Variants in EFCAB9 observed in about 807,000 individuals in gnomAD.
The protein encoded by EFCAB9 is EF-hand calcium-binding domain-containing protein 9.
Under a neutral mutation model 15.6 loss-of-function variants are expected in EFCAB9, and 16 were observed. The observed-to-expected ratio is 1.03, with a 90% confidence interval of 0.69 to 1.56. The LOEUF (loss-of-function observed/expected upper bound fraction) is 1.56. Ranked by LOEUF, EFCAB9 falls within the 40% of genes most tolerant of loss-of-function variation. The pLI, the probability that EFCAB9 is intolerant of heterozygous loss-of-function variation, is 0.00. For synonymous variants in EFCAB9, 76 were observed against 85.4 expected (o/e 0.89, Z 0.61); for missense variants, 208 against 235.4 (o/e 0.88, Z 0.76).
rs1347292245 is a variant in EFCAB9, at chr5:172,199,543, C to T, written c.285+12C>T. On this transcript the variant is annotated intron_variant, in intron 2 of 3. Coordinates refer to ENST00000398186, the MANE Select transcript of EFCAB9 (RefSeq NM_001171183.2). ...TGCTGGCCCACCAGGCAAGTAGCCG[C>T]GCGGCTGCTGCCATCCTCTTGCTAA... 1.3e-5 allele frequency: 20 copies of T among 1,536,520 alleles called. No homozygotes were observed. The highest frequency in any genetic ancestry group is 3.4e-4 in the Middle Eastern group (2 of 5,942).
chr5:172,198,899 C>G (rs1337997941), intron 1 of EFCAB9, among the ~76,000 whole-genome samples: 1 of 152,188 alleles, frequency 6.6e-6, no homozygotes. Flanking sequence ...CAGGCATGAG[C>G]TACTGTGCCT....
At chr5:172,197,416 C>T (rs191285815) in intron 1 of EFCAB9, among the ~76,000 whole-genome samples, 1 of 152,238 alleles carries the variant, frequency 6.6e-6, no homozygotes, top group Admixed American at 6.5e-5. Flanking sequence ...GTGAGGCACA[C>T]CTTTGCTGCT....
intron 3 of EFCAB9, 33 bp from the exon 4 acceptor site, chr5:172,203,181 A>G: frequency 1.4e-6 from 2 of 1,441,946 alleles, no homozygotes; most frequent in Non-Finnish European, 1.8e-6. Flanking sequence ...TTTTCCTGAA[A>G]TAATTTTTCT....
At chr5:172,196,231 G>A (rs1204372843) in intron 1 of EFCAB9, among the ~76,000 whole-genome samples, 1 of 152,126 alleles carries the variant, frequency 6.6e-6, no homozygotes, top group African/African-American at 2.4e-5. Context: ...TTGTTTCCAG[G>A]TGCTCATATC....
At position 172,194,927 on chromosome 5, in the gene EFCAB9, G is replaced by A. The variant is rs1364332767; in HGVS notation, c.136+619G>A. 2.0e-5 allele frequency among the ~76,000 whole-genome samples: 3 copies of A among 148,054 alleles called. No homozygotes were observed. In the Admixed American group the frequency reaches 2.0e-4, roughly 10 times the overall value. ...CATAATGGAGTCCATCTCATAGTTG[G>A]AAAAAAAAAAGATAATGAGAGTATG... On this transcript the variant is annotated intron_variant, in intron 1 of 3. Coordinates refer to ENST00000398186, the MANE Select transcript of EFCAB9 (RefSeq NM_001171183.2).
chr5:172,195,577 T>C (rs1771147042), intron 1 of EFCAB9, among the ~76,000 whole-genome samples: 1 of 152,150 alleles, frequency 6.6e-6, no homozygotes, highest in South Asian at 2.1e-4. Flanking sequence ...AAGCCCATGC[T>C]GAGTCTCTCT....
chr5:172,196,147 AATT>A lies in EFCAB9; in HGVS notation c.136+1841_136+1843del, dbSNP rs1273676375. Among the ~76,000 whole-genome samples the A allele has an allele frequency of 3.3e-5, 5 of 152,040 alleles. No individual in the cohort carries two copies. In the East Asian group the frequency reaches 9.7e-4, roughly 29 times the overall value. The stretch of plus-strand genomic sequence containing the variant: ...GGCCTCAAAACAGTCTTTGTTAAGT[AATT>A]ACTAAGTTGCACATGGAAACATTTC... On this transcript the variant is annotated intron_variant, in intron 1 of 3. Transcript: ENST00000398186.
chr5:172,194,557 G>A (rs866798278), intron 1 of EFCAB9, among the ~76,000 whole-genome samples: 7 of 151,972 alleles, frequency 4.6e-5, no homozygotes, highest in Non-Finnish European at 8.8e-5. Context: ...CTGCCACCAC[G>A]CCTGGCTAAT....
chr5:172,199,250 A>G (rs1170371191), intron 1 of EFCAB9, 133 bp from the exon 2 acceptor site: 16 of 1,204,762 alleles, frequency 1.3e-5, no homozygotes, highest in Non-Finnish European at 1.7e-5. Context: ...GCAAAGCCAG[A>G]AACAAAATAT....
intron 1 of EFCAB9, 95 bp downstream of exon 1, chr5:172,194,403 C>G: frequency 3.8e-6 from 5 of 1,313,418 alleles, no homozygotes; most frequent in East Asian, 2.7e-5. Flanking sequence ...TTTGTTAGTA[C>G]ATTTTTTTTT....
intron 3 of EFCAB9, among the ~76,000 whole-genome samples, chr5:172,201,113 C>A (rs77661959): frequency 9.9e-5 from 15 of 150,902 alleles, no homozygotes; most frequent in African/African-American, 3.4e-4. Context: ...TGGTGGCTCA[C>A]GCCTATAATG....
chr5:172,196,158 T>C (rs1242486935), intron 1 of EFCAB9, among the ~76,000 whole-genome samples: 1 of 152,080 alleles, frequency 6.6e-6, no homozygotes, highest in Admixed American at 6.6e-5. Flanking sequence ...ATTACTAAGT[T>C]GCACATGGAA....
At chr5:172,194,781 G>A (rs925169800) in intron 1 of EFCAB9, among the ~76,000 whole-genome samples, 46 of 152,124 alleles carry the variant, frequency 3.0e-4, no homozygotes, top group African/African-American at 1.1e-3. Flanking sequence ...GTTCAGCCGG[G>A]AGGAGAAAAT....
At chr5:172,194,645 C>T (rs896515547) in intron 1 of EFCAB9, among the ~76,000 whole-genome samples, 4 of 152,202 alleles carry the variant, frequency 2.6e-5, no homozygotes, top group East Asian at 1.9e-4. Context: ...GTGATCCACC[C>T]GCCTCCGCCT....
chr5:172,195,391 T>C (rs1340676326), intron 1 of EFCAB9, among the ~76,000 whole-genome samples: 1 of 152,068 alleles, frequency 6.6e-6, no homozygotes, highest in East Asian at 1.9e-4. Flanking sequence ...TTTTAAGGAG[T>C]TCATTCAATT....
intron 3 of EFCAB9, among the ~76,000 whole-genome samples, chr5:172,202,332 CAAAAAAAAA>C (rs10690291): frequency 0.02 from 1,444 of 73,408 alleles, 44 homozygotes; most frequent in African/African-American, 0.096. Flanking sequence ...GACTTCATCT[CAAAAAAAAA>C]AAAAAAAAAA....
intron 1 of EFCAB9, among the ~76,000 whole-genome samples, chr5:172,198,697 A>G (rs1771200923): frequency 6.6e-6 from 1 of 151,184 alleles, no homozygotes; most frequent in African/African-American, 2.4e-5. Context: ...GCTCACTGCA[A>G]CCTCCGCCTC....
intron 1 of EFCAB9, among the ~76,000 whole-genome samples, chr5:172,197,969 T>C (rs1048391273): frequency 6.6e-6 from 1 of 152,160 alleles, no homozygotes; most frequent in African/African-American, 2.4e-5. Context: ...TGCTGATTGG[T>C]GCATTTACAA....
chr5:172,202,080 C>T lies in EFCAB9; in HGVS notation c.463-1134C>T, dbSNP rs989338345. 2.8e-4 allele frequency among the ~76,000 whole-genome samples: 43 copies of T among 152,136 alleles called. 1 individual carries two copies. The highest frequency in any genetic ancestry group is 2.9e-5 in the Non-Finnish European group (2 of 67,996). On this transcript the variant is annotated intron_variant, in intron 3 of 3. Transcript: ENST00000398186. ...CTGGGGTTGGGCGCGGTGGCTCATA[C>T]CTGTAATCCCAGGACTTTGGGAGGC...
Sources: gnomAD v4.1 joint callset for allele counts (sites outside exome capture counted in the v4.1 genomes callset) on GRCh38, gnomAD v4.1.1 for gene constraint, MANE v1.5 for transcripts, NCBI Gene and HGNC (gene_info 2026-07-23, HGNC 2026-07-21) for gene names.